CCDC149: variants seen among roughly 807,000 people sequenced by gnomAD.
CCDC149 encodes the protein coiled-coil domain containing 149.
Under a neutral mutation model 59.9 loss-of-function variants are expected in CCDC149, and 45 were observed. The ratio of observed to expected loss-of-function variants is 0.75; its 90% CI spans 0.59 to 0.96. The LOEUF is 0.96. Ranked by LOEUF, CCDC149 falls within the 40% of genes least tolerant of loss-of-function variation. The pLI, the probability that CCDC149 is intolerant of heterozygous loss-of-function variation, is 0.00. For synonymous variants in CCDC149, 245 were observed against 260.6 expected (o/e 0.94, Z 0.58); for missense variants, 584 against 664.7 (o/e 0.88, Z 1.33).
intron 3 of CCDC149, among the ~76,000 whole-genome samples, chr4:24,855,748 T>C (rs1717965096): frequency 6.6e-6 from 1 of 152,210 alleles, no homozygotes; most frequent in Middle Eastern, 3.2e-3. Flanking sequence ...GAGTTCTAAT[T>C]TTCCCAGATT....
At chr4:24,937,637 G>C (rs972800231) in intron 1 of CCDC149, among the ~76,000 whole-genome samples, 10 of 152,194 alleles carry the variant, frequency 6.6e-5, no homozygotes, top group African/African-American at 2.4e-4. Flanking sequence ...ATAGTTGATG[G>C]CTTCAAAGCT....
rs808978 is a variant in CCDC149, at chr4:24,817,556, G to T, written c.1192+2303C>A. 8.4e-4 allele frequency among the ~76,000 whole-genome samples: 127 copies of T among 151,776 alleles called. 2 individuals carry two copies. Among genetic ancestry groups the T allele is most frequent in the African/African-American group, 3.0e-3 (125 of 41,558 alleles). On this transcript the variant is annotated intron_variant, in intron 12 of 12. Transcript: ENST00000635206. ...GGGTCTTCTTACCCAGTGATAAGAA[G>T]TGGTCTTCTTACCACTCCATGCACT...
rs551490480 is a variant in CCDC149, at chr4:24,978,312, AT to A, written c.-65+1756del. On this transcript the variant is annotated intron_variant, in intron 1 of 12. Coordinates refer to the CCDC149 transcript ENST00000389609. ...AAATAATATAAATATCCTATTAATA[AT>A]TTTTATATTAATTTCATATCGAAAG... is the stretch of plus-strand genomic sequence containing the variant. Among the ~76,000 whole-genome samples, 132 of 152,248 alleles carry A rather than the reference AT, an allele frequency of 8.7e-4. 4 individuals are homozygous for A. The South Asian group carries it at 0.026, about 30-fold the overall frequency.
intron 1 of CCDC149, among the ~76,000 whole-genome samples, chr4:24,953,242 T>G (rs1347693860): frequency 6.6e-6 from 1 of 152,164 alleles, no homozygotes; most frequent in East Asian, 1.9e-4. Context: ...AGATTCCTGA[T>G]TTTGGAGGAT....
chr4:24,817,115 G>A (rs1715066920), intron 12 of CCDC149, among the ~76,000 whole-genome samples: 1 of 152,152 alleles, frequency 6.6e-6, no homozygotes, highest in Non-Finnish European at 1.5e-5. Flanking sequence ...ATCAGTCCAC[G>A]ACTTACAACG....
At chr4:24,878,781 C>T (rs746007274) in intron 1 of CCDC149, among the ~76,000 whole-genome samples, 1 of 152,240 alleles carries the variant, frequency 6.6e-6, no homozygotes, top group Non-Finnish European at 1.5e-5. Context: ...TCCGCGGGAA[C>T]ATCCCGCCTA....
chr4:24,886,789 A>T (rs546157503), intron 1 of CCDC149, among the ~76,000 whole-genome samples: 3 of 152,166 alleles, frequency 2.0e-5, no homozygotes, highest in African/African-American at 7.2e-5. Flanking sequence ...GGCGAGGCTC[A>T]CGTGGCTGCC....
chr4:24,928,478 G>A (rs1722492872), intron 1 of CCDC149, among the ~76,000 whole-genome samples: 1 of 152,126 alleles, frequency 6.6e-6, no homozygotes, highest in African/African-American at 2.4e-5. Flanking sequence ...GCTTAACATG[G>A]ACCACCAGTA....
intron 3 of CCDC149, 32 bp downstream of exon 3, chr4:24,873,649 T>TA (rs768735737): frequency 3.0e-5 from 44 of 1,489,850 alleles, no homozygotes; most frequent in Non-Finnish European, 3.8e-5. Flanking sequence ...TAGGTATCAA[T>TA]AAAAAAATCT....
chr4:24,869,028 C>G (rs954496580), intron 3 of CCDC149, among the ~76,000 whole-genome samples: 10 of 152,352 alleles, frequency 6.6e-5, no homozygotes, highest in African/African-American at 2.2e-4. Context: ...GCAGCCGGCA[C>G]TTGGTAAGAG....
At chr4:24,823,568 T>C (rs1715543447) in intron 9 of CCDC149, among the ~76,000 whole-genome samples, 1 of 152,232 alleles carries the variant, frequency 6.6e-6, no homozygotes, top group African/African-American at 2.4e-5. Flanking sequence ...TCAATTCCTT[T>C]CAGCAAGATA....
intron 1 of CCDC149, among the ~76,000 whole-genome samples, chr4:24,897,141 G>A (rs1720892627): frequency 6.6e-6 from 1 of 152,132 alleles, no homozygotes; most frequent in Non-Finnish European, 1.5e-5. Context: ...AGAAGGGGAG[G>A]AGGGCTTTTA....
At chr4:24,931,331 A>ATATATATATATCTC (rs1394185015) in intron 1 of CCDC149, among the ~76,000 whole-genome samples, 29 of 147,524 alleles carry the variant, frequency 2.0e-4, no homozygotes, top group African/African-American at 6.8e-4. Context: ...ATATATATAT[A>ATATATATATATCTC]TCTCAGTACA....
At chr4:24,931,280 T>C (rs867585412) in intron 1 of CCDC149, among the ~76,000 whole-genome samples, 6 of 146,044 alleles carry the variant, frequency 4.1e-5, no homozygotes, top group East Asian at 2.0e-4. Flanking sequence ...TGTATGTATA[T>C]GTGTATTTAT....
rs1055031630 is a variant in CCDC149, at chr4:24,809,230, GGAA to G, written c.1193-414_1193-412del. Among the ~76,000 whole-genome samples the G allele has an allele frequency of 9.2e-5, 14 of 152,264 alleles. No homozygotes were observed. In the East Asian group the frequency reaches 1.9e-3, roughly 21 times the overall value. ...AAAGGTTCCGGCTGCATTGAGGGTG[GGAA>G]GAAGAAGGATAGTTCGGGAAGGATT... On this transcript the variant is annotated intron_variant, in intron 12 of 12. Transcript: ENST00000635206.
intron 1 of CCDC149, among the ~76,000 whole-genome samples, chr4:24,880,272 G>A (rs1056720758): frequency 7.9e-5 from 12 of 152,248 alleles, no homozygotes; most frequent in African/African-American, 2.9e-4. Flanking sequence ...TACATTTGTA[G>A]CCTAGGAGCA....
chr4:24,833,581 G>A (rs769482270), intron 8 of CCDC149, among the ~76,000 whole-genome samples: 8 of 152,058 alleles, frequency 5.3e-5, no homozygotes, highest in East Asian at 1.9e-4. Context: ...CCACGATCAC[G>A]CCACTGCACT....
chr4:24,836,963 T>C (rs1716576928), intron 6 of CCDC149, among the ~76,000 whole-genome samples: 1 of 152,186 alleles, frequency 6.6e-6, no homozygotes, highest in Non-Finnish European at 1.5e-5. Flanking sequence ...GCAACTCTCA[T>C]GGGTTCCTCG....
intron 11 of CCDC149, among the ~76,000 whole-genome samples, chr4:24,820,518 AGAG>A (rs756613325): frequency 7.9e-5 from 12 of 152,226 alleles, no homozygotes; most frequent in Admixed American, 2.0e-4. Flanking sequence ...AAGAAGAGGA[AGAG>A]GAGGAGGAGG....
Sources: allele counts gnomAD v4.1 joint callset (sites outside exome capture counted in the v4.1 genomes callset), GRCh38; gene constraint gnomAD v4.1.1; transcripts MANE v1.5; gene names NCBI Gene and HGNC (gene_info 2026-07-23, HGNC 2026-07-21).